The following KLHL22 variants were observed in gnomAD, a reference collection of about 807,000 sequenced individuals.
KLHL22 encodes kelch-like protein 22.
KLHL22 carries 18 observed loss-of-function variants against 60.7 expected under a neutral mutation model. The observed-to-expected ratio is 0.30, with a 90% CI of 0.20 to 0.44. The LOEUF (loss-of-function observed/expected upper bound fraction) is 0.44, where lower values mean the gene tolerates loss of function less well. Ranked by LOEUF, KLHL22 falls within the 20% of genes least tolerant of loss-of-function variation. The pLI, the probability that KLHL22 is intolerant of heterozygous loss-of-function variation, is 1.00. For synonymous variants in KLHL22, 355 were observed against 354.5 expected (o/e 1.00, Z -0.01); for missense variants, 596 against 852.3 (o/e 0.70, Z 3.74).
chr22:20,488,928 T>C, intron 2 of KLHL22, 57 bp downstream of exon 2: 42 of 1,537,192 alleles, frequency 2.7e-5, no homozygotes, highest in Non-Finnish European at 3.5e-5. Context: ...GTACCTTTAC[T>C]AGCAGAGCCA....
intron 3 of KLHL22, among the ~76,000 whole-genome samples, chr22:20,468,765 T>C (rs2053271087): frequency 6.6e-6 from 1 of 152,166 alleles, no homozygotes; most frequent in African/African-American, 2.4e-5. Context: ...GCTCAAGTGA[T>C]TCTCCCACCT....
At chr22:20,451,619 C>T (rs2052980539) in intron 5 of KLHL22, 4 of 1,602,188 alleles carry the variant, frequency 2.5e-6, no homozygotes, top group Admixed American at 1.7e-5. Flanking sequence ...GATTCCCGGA[C>T]AACTGCCACC....
At chr22:20,491,113 A>G (rs1243570733) in intron 1 of KLHL22, 2 of 152,214 alleles carry the variant, frequency 1.3e-5, no homozygotes, top group Non-Finnish European at 2.9e-5. Flanking sequence ...GGTTTGTTAT[A>G]AAGGGTATTG....
chr22:20,466,979 A>AC (rs1385261394), intron 3 of KLHL22, among the ~76,000 whole-genome samples: 1 of 152,244 alleles, frequency 6.6e-6, no homozygotes, highest in East Asian at 1.9e-4. Context: ...TGAACAGACA[A>AC]CCAAATCTTG....
chr22:20,444,065 AAG>A (rs201716408), intron 6 of KLHL22, among the ~76,000 whole-genome samples: 11,499 of 100,534 alleles, frequency 0.11, 957 homozygotes, highest in East Asian at 0.42. Flanking sequence ...AAAAAAAAAA[AAG>A]AAAAAAAGGA....
At chr22:20,480,802 C>T (rs5749718) in intron 2 of KLHL22, among the ~76,000 whole-genome samples, 53,489 of 149,548 alleles carry the variant, frequency 0.36, 9,741 homozygotes, top group East Asian at 0.46. Context: ...GGGTGGGTTC[C>T]GTGGCTTAAT....
chr22:20,466,317 T>C (rs904373515), intron 3 of KLHL22, among the ~76,000 whole-genome samples: 4 of 135,170 alleles, frequency 3.0e-5, no homozygotes, highest in Non-Finnish European at 6.0e-5. Context: ...GAGGTTGCAG[T>C]GAGCCGAGAT....
chr22:20,473,176 G>C (rs2053355841), intron 2 of KLHL22, among the ~76,000 whole-genome samples: 1 of 152,218 alleles, frequency 6.6e-6, no homozygotes. Context: ...TTAGGCCTGA[G>C]ATTCCTGTGG....
chr22:20,450,485 G>T (rs763301823), intron 5 of KLHL22: 296 of 1,613,796 alleles, frequency 1.8e-4, no homozygotes, highest in Non-Finnish European at 2.4e-4. Context: ...CAAGCCTGCT[G>T]TGAGTTCTTA....
At chr22:20,486,054 G>C (rs1284951623) in intron 2 of KLHL22, among the ~76,000 whole-genome samples, 1 of 149,166 alleles carries the variant, frequency 6.7e-6, no homozygotes, top group Non-Finnish European at 1.5e-5. Context: ...TGTAGTCCCA[G>C]CTACTCGAGA....
intron 2 of KLHL22, among the ~76,000 whole-genome samples, chr22:20,471,897 T>C (rs1023596593): frequency 1.3e-5 from 2 of 152,168 alleles, no homozygotes; most frequent in Admixed American, 6.5e-5. Flanking sequence ...CTAATAAAAG[T>C]CATTTCATTC....
chr22:20,459,506 C>T (rs1456016601), intron 4 of KLHL22, among the ~76,000 whole-genome samples: 1 of 152,182 alleles, frequency 6.6e-6, no homozygotes, highest in Non-Finnish European at 1.5e-5. Context: ...AGTTCTGCAC[C>T]TGTCCAATGA....
chr22:20,449,966 C>A (rs747801916), intron 5 of KLHL22, among the ~76,000 whole-genome samples: 1 of 152,182 alleles, frequency 6.6e-6, no homozygotes, highest in Non-Finnish European at 1.5e-5. Context: ...GCCGGGGCGG[C>A]GGCGGCGACG....
intron 1 of KLHL22, chr22:20,492,203 C>T (rs946335536): frequency 6.6e-6 from 1 of 152,170 alleles, no homozygotes; most frequent in South Asian, 2.1e-4. Flanking sequence ...ATCTTGGAAA[C>T]CTCACTGTTT....
intron 2 of KLHL22, among the ~76,000 whole-genome samples, chr22:20,474,708 T>C (rs1346485642): frequency 6.6e-6 from 1 of 152,230 alleles, no homozygotes; most frequent in East Asian, 1.9e-4. Flanking sequence ...CTCACTTCTT[T>C]AACCCATTTC....
intron 4 of KLHL22, among the ~76,000 whole-genome samples, chr22:20,461,847 C>T (rs1007637220): frequency 1.3e-5 from 2 of 151,920 alleles, no homozygotes; most frequent in South Asian, 2.1e-4. Flanking sequence ...ACCTGTAATC[C>T]CAGCACTTTG....
intron 2 of KLHL22, among the ~76,000 whole-genome samples, chr22:20,484,899 C>T (rs9608012): frequency 6.6e-6 from 1 of 151,888 alleles, no homozygotes; most frequent in Non-Finnish European, 1.5e-5. Flanking sequence ...CCATGCCCAG[C>T]TAATTAAAAA....
intron 2 of KLHL22, among the ~76,000 whole-genome samples, chr22:20,480,242 A>G (rs1429999089): frequency 6.6e-6 from 1 of 152,230 alleles, no homozygotes; most frequent in East Asian, 1.9e-4. Flanking sequence ...AGAGTTTCAG[A>G]TTTGTAAGAT....
Position 20,461,550 on chromosome 22 carries a change from CAAAAAAAAA to C in KLHL22, c.1112+3299_1112+3307del, listed in dbSNP as rs362095. ...CCTGGGTGACAGAGAGACTCCAACT[CAAAAAAAAA>C]AAAAAAAAAAAAAAAATTCAGTAGA... On this transcript the variant is annotated intron_variant, in intron 4 of 6. Transcript: ENST00000328879. Among the ~76,000 whole-genome samples the C allele has an allele frequency of 6.2e-5, 4 of 64,770 alleles. No homozygotes were observed. In the East Asian group the frequency reaches 1.4e-3, roughly 22 times the overall value. The allele number at this position is 64,770 out of a possible 152,430, so 42.5% of individuals were successfully genotyped here.
Sources: gnomAD v4.1 joint callset for allele counts (sites outside exome capture counted in the v4.1 genomes callset) on GRCh38, gnomAD v4.1.1 for gene constraint, MANE v1.5 for transcripts, NCBI Gene and HGNC (gene_info 2026-07-23, HGNC 2026-07-21) for gene names.